RAD51B: variants seen among roughly 807,000 people sequenced by gnomAD.
RAD51B encodes RAD51 paralog B, also known as DNA repair protein RAD51 homolog 2.
Under a neutral mutation model 42.2 loss-of-function variants are expected in RAD51B, and 38 were observed. The observed-to-expected ratio is 0.90, with a 90% CI of 0.70 to 1.18. RAD51B has a LOEUF of 1.18. Ranked by LOEUF, RAD51B falls within the 50% of genes most tolerant of loss-of-function variation. The pLI is 0.00. For missense variants in RAD51B, 373 were observed against 400.7 expected, an observed-to-expected ratio of 0.93 and a Z score of 0.59; for synonymous variants, 154 against 145.2, an observed-to-expected ratio of 1.06 and a Z score of -0.43.
At chr14:67,957,087 G>C (rs770252020) in intron 7 of RAD51B, among the ~76,000 whole-genome samples, 1 of 152,190 alleles carries the variant, frequency 6.6e-6, no homozygotes, top group Non-Finnish European at 1.5e-5. Context: ...TCAAGTCAGT[G>C]AATGGGTGAA....
chr14:67,877,112 T>C (rs1032289338), intron 5 of RAD51B, among the ~76,000 whole-genome samples: 2 of 151,992 alleles, frequency 1.3e-5, no homozygotes, highest in African/African-American at 2.4e-5. Context: ...TTTTTTACAG[T>C]AATAAATAGA....
chr14:67,857,378 A>G (rs889035225), intron 4 of RAD51B, among the ~76,000 whole-genome samples: 17 of 152,200 alleles, frequency 1.1e-4, no homozygotes, highest in African/African-American at 3.6e-4. Flanking sequence ...ATGATGTTTT[A>G]TTTTCTCCAA....
chr14:68,113,461 C>CT (rs1328591925), intron 7 of RAD51B, among the ~76,000 whole-genome samples: 2 of 152,098 alleles, frequency 1.3e-5, no homozygotes, highest in Non-Finnish European at 2.9e-5. Context: ...AAATGTGATA[C>CT]TTAATGAGGC....
rs953182226 is a variant in RAD51B at position 68,549,591 on chromosome 14, T to G, written c.1037-44894T>G. The stretch of plus-strand genomic sequence containing the variant: ...CCACCATGCCCGGCTAATTTTTGTA[T>G]TTTTAGTAGAGACGGGGTTTCACCG... On this transcript the variant is annotated intron_variant, in intron 10 of 10. Transcript: ENST00000487270. Among the ~76,000 whole-genome samples the G allele has an allele frequency of 4.7e-5, 7 of 150,532 alleles. No individual in the cohort carries two copies. The East Asian group carries it at 1.4e-3, about 29-fold the overall frequency.
intron 7 of RAD51B, among the ~76,000 whole-genome samples, chr14:68,191,596 G>A (rs186108040): frequency 6.6e-6 from 1 of 152,310 alleles, no homozygotes; most frequent in East Asian, 1.9e-4. Flanking sequence ...GGAGATAATG[G>A]AAGACCCTTT....
intron 7 of RAD51B, among the ~76,000 whole-genome samples, chr14:67,961,044 G>C (rs1403911979): frequency 6.6e-6 from 1 of 152,078 alleles, no homozygotes; most frequent in African/African-American, 2.4e-5. Flanking sequence ...GCCTCATTCT[G>C]TTGTTCAGGC....
exon 11 of RAD51B, chr14:68,595,368 G>C (rs1890948153): frequency 9.4e-7 from 1 of 1,066,284 alleles, no homozygotes; most frequent in African/African-American, 1.6e-5. Context: ...ATCAGTCAAG[G>C]GAGCCTGTTT....
chr14:68,607,392 C>T (rs1177837338), intron 10 of RAD51B, among the ~76,000 whole-genome samples: 1 of 152,178 alleles, frequency 6.6e-6, no homozygotes, highest in Non-Finnish European at 1.5e-5. Flanking sequence ...AACAACAATG[C>T]CAGCACCTTC....
At chr14:67,846,161 G>A (rs2041604939) in intron 4 of RAD51B, among the ~76,000 whole-genome samples, 1 of 152,196 alleles carries the variant, frequency 6.6e-6, no homozygotes. Context: ...TCCATGGCTT[G>A]GATGGGGTGC....
intron 8 of RAD51B, among the ~76,000 whole-genome samples, chr14:68,385,331 C>G (rs773057280): frequency 2.6e-5 from 4 of 152,162 alleles, no homozygotes; most frequent in Non-Finnish European, 5.9e-5. Context: ...AAAGACTTTT[C>G]TAGGCAGTGG....
chr14:67,911,963 T>C (rs2043997603), intron 7 of RAD51B, among the ~76,000 whole-genome samples: 1 of 152,196 alleles, frequency 6.6e-6, no homozygotes, highest in Non-Finnish European at 1.5e-5. Context: ...AAGAATGTCA[T>C]CCCCCTGCTA....
chr14:67,915,554 T>C lies in RAD51B; in HGVS notation c.756+28350T>C, dbSNP rs563791427. On this transcript the variant is annotated intron_variant, in intron 7 of 10. Coordinates refer to ENST00000471583, the MANE Select transcript of RAD51B (RefSeq NM_133510.4). ...GTTAAGTATTGAGTGTGAAGGAAGA[T>C]AGCATGAGGATCTTGTTTGCCTGCA... is the stretch of plus-strand genomic sequence containing the variant. Among the ~76,000 whole-genome samples, 3 of 152,328 alleles carry C rather than the reference T, an allele frequency of 2.0e-5. No homozygotes were observed. The South Asian group carries it at 6.2e-4, about 32-fold the overall frequency.
At chr14:68,405,829 C>CA (rs10547910) in intron 8 of RAD51B, among the ~76,000 whole-genome samples, 2,973 of 70,382 alleles carry the variant, frequency 0.042, 49 homozygotes, top group East Asian at 0.11. Context: ...AGTTTATCAC[C>CA]AAAAAAAAAA....
intron 8 of RAD51B, among the ~76,000 whole-genome samples, chr14:68,386,396 C>A (rs1265933316): frequency 6.6e-6 from 1 of 152,202 alleles, no homozygotes; most frequent in Admixed American, 6.5e-5. Context: ...GTTTACAAGC[C>A]AATGACTGAT....
intron 7 of RAD51B, among the ~76,000 whole-genome samples, chr14:67,996,684 G>A (rs768350646): frequency 6.6e-6 from 1 of 152,178 alleles, no homozygotes; most frequent in Non-Finnish European, 1.5e-5. Context: ...GTCTGCTTAT[G>A]TAGGGGTTTT....
At chr14:68,553,935 A>G (rs1405706249) in intron 10 of RAD51B, among the ~76,000 whole-genome samples, 7 of 152,226 alleles carry the variant, frequency 4.6e-5, no homozygotes, top group Non-Finnish European at 8.8e-5. Context: ...TACAGACCCA[A>G]CATGAGCTGG....
At chr14:67,956,290 A>G (rs947227135) in intron 7 of RAD51B, among the ~76,000 whole-genome samples, 4 of 152,218 alleles carry the variant, frequency 2.6e-5, no homozygotes, top group African/African-American at 9.6e-5. Context: ...ACTTGAGGTC[A>G]GGAGTTTGAG....
chr14:68,153,754 T>C (rs1334064684), intron 7 of RAD51B, among the ~76,000 whole-genome samples: 2 of 152,140 alleles, frequency 1.3e-5, no homozygotes, highest in Non-Finnish European at 2.9e-5. Context: ...GTTTTATGCC[T>C]CAAACTTTGA....
At chr14:68,162,050 G>T (rs929109755) in intron 7 of RAD51B, among the ~76,000 whole-genome samples, 1 of 152,166 alleles carries the variant, frequency 6.6e-6, no homozygotes, top group Non-Finnish European at 1.5e-5. Context: ...GTCAGTAGTG[G>T]TAAGGTTAAG....
Sources: allele counts gnomAD v4.1 joint callset (sites outside exome capture counted in the v4.1 genomes callset), GRCh38; gene constraint gnomAD v4.1.1; transcripts MANE v1.5; gene names NCBI Gene and HGNC (gene_info 2026-07-23, HGNC 2026-07-21).